The following SPTBN4 variants were observed in gnomAD, a reference collection of about 807,000 sequenced individuals.
SPTBN4 encodes the protein spectrin beta chain, non-erythrocytic 4.
Under a neutral mutation model 277.8 loss-of-function variants are expected in SPTBN4, and 96 were observed. That is an observed-to-expected ratio of 0.35 (90% CI 0.29 to 0.41). The LOEUF (loss-of-function observed/expected upper bound fraction) is 0.41. Among genes scored for constraint, SPTBN4 ranks in the 10% least tolerant of loss-of-function variants. The pLI is 1.00. For missense variants in SPTBN4, 3,006 were observed against 3,595.7 expected (o/e 0.84, Z 4.19); for synonymous variants, 1,481 against 1,580.3 (o/e 0.94, Z 1.49).
intron 1 of SPTBN4, among the ~76,000 whole-genome samples, chr19:40,467,529 TGGG>T (rs1219750244): frequency 6.7e-6 from 1 of 149,488 alleles, no homozygotes; most frequent in Non-Finnish European, 1.5e-5. Context: ...GCCCCCTCCT[TGGG>T]CGCAGTGTCT....
In SPTBN4 at chr19:40,568,152, G is replaced by T. The variant is rs1175767350; in HGVS notation, c.6826G>T (p.Glu2276Ter). The T allele has an allele frequency of 1.9e-6, 3 of 1,579,992 alleles. No individual in the cohort carries two copies. Among genetic ancestry groups the T allele is most frequent in the Non-Finnish European group, 8.6e-7 (1 of 1,163,820 alleles). Reference sequence around the variant, plus strand: ...GGAGCGGCAGGAGTCAGCGGAGCACGAGGCGGCACACAGCCTTACCCTGGG... The same window carrying T: ...GGAGCGGCAGGAGTCAGCGGAGCACTAGGCGGCACACAGCCTTACCCTGGG... The part of the protein sequence containing the change: ...RPERQESAEH[E>*]AAHSLTLGRY... The change falls in exon 31 of 36, where the codon GAG (glutamate) becomes TAG (stop). Residue 2276 changes from glutamate to a stop codon, truncating the protein, a stop_gained. Transcript: ENST00000598249. LOFTEE classifies it high-confidence loss of function.
chr19:40,516,012 CACACATATACGTATATAT>C (rs2080454466), intron 15 of SPTBN4, among the ~76,000 whole-genome samples: 2 of 145,216 alleles, frequency 1.4e-5, no homozygotes, highest in African/African-American at 5.1e-5. Context: ...CGTATATATA[CACACATATACGTATATAT>C]ACACATATAT....
chr19:40,540,182 C>G (rs1043897748), intron 20 of SPTBN4, among the ~76,000 whole-genome samples: 3 of 152,140 alleles, frequency 2.0e-5, no homozygotes, highest in African/African-American at 7.2e-5. Context: ...CCGCCTCGGC[C>G]TCCCAAAGTG....
intron 20 of SPTBN4, chr19:40,534,769 G>A (rs1045140711): frequency 1.6e-5 from 3 of 186,248 alleles, no homozygotes; most frequent in Admixed American, 5.4e-5. Flanking sequence ...TCTGGAGATT[G>A]GTACTGTTAT....
At chr19:40,507,743 G>A (rs1169173986) in intron 13 of SPTBN4, among the ~76,000 whole-genome samples, 4 of 152,130 alleles carry the variant, frequency 2.6e-5, no homozygotes, top group Admixed American at 6.6e-5. Flanking sequence ...GCTGAGGTGG[G>A]AGGATTGCTT....
In SPTBN4 at chr19:40,519,665, G is replaced by T; in HGVS notation, c.3168G>T (p.Ala1056=). 1 of 1,393,914 alleles carries T rather than the reference G, an allele frequency of 7.2e-7. No individual in the cohort carries two copies. The allele number at this position is 1,393,914 out of a possible 1,614,324, so 86.3% of individuals were successfully genotyped here. Residue 1056 remains alanine, a synonymous_variant, in exon 16 of 36, where the codon GCG becomes GCT. Transcript: ENST00000598249. This position sits in a 1 kb window ranked among gnomAD's most constrained non-coding sequence, Gnocchi z 5.7. ...TGGCTGAGCGCTTCCCGGCGCAGGC[G>T]GCGCGGCTGCACCAGGGCGCGGAGG... ...ALLAERFPAQ[A]ARLHQGAEEL... is the part of the protein sequence containing the mutation.
chr19:40,571,855 C>A, intron 33 of SPTBN4, 164 bp from the exon 34 acceptor site: 1 of 684,398 alleles, frequency 1.5e-6, no homozygotes, highest in Non-Finnish European at 2.3e-6. Context: ...CTCAGGGCAG[C>A]AACAGCCTTA....
At chr19:40,479,518 G>A (rs2079985453) in intron 2 of SPTBN4, among the ~76,000 whole-genome samples, 1 of 151,440 alleles carries the variant, frequency 6.6e-6, no homozygotes, top group Non-Finnish European at 1.5e-5. Context: ...TGTTGCCTAG[G>A]CTGGTCTTGA....
At position 40,554,703 on chromosome 19, in the gene SPTBN4, T is replaced by C; in HGVS notation, c.5084+57T>C. Reference sequence around the variant, plus strand: ...GGTCCAGCAGGACCTGAAGCTTCGCTGTTGGGAGTTGGCGCAGCGCTGGAA... The same window carrying C: ...GGTCCAGCAGGACCTGAAGCTTCGCCGTTGGGAGTTGGCGCAGCGCTGGAA... On this transcript the variant is annotated intron_variant, in intron 24 of 35. Transcript: ENST00000598249. The surrounding 1 kb of genome is among the most constrained non-coding windows in gnomAD (Gnocchi z 5.7). 1 of 1,570,070 alleles carries C rather than the reference T, an allele frequency of 6.4e-7. No homozygotes were observed. Among genetic ancestry groups the C allele is most frequent in the Non-Finnish European group, 8.6e-7 (1 of 1,158,482 alleles).
In SPTBN4 at chr19:40,565,751, T is replaced by C; in HGVS notation, c.6139+6T>C. The C allele has an allele frequency of 6.5e-7, 1 of 1,550,138 alleles. No homozygotes were observed. Among genetic ancestry groups the C allele is most frequent in the Non-Finnish European group, 8.7e-7 (1 of 1,147,120 alleles). Reference sequence around the variant, plus strand: ...TTGGGAGTGGCTGCAGCAGAGTGAGTGGGGGCCCAGGCACACGTGGTTCAA... The same window carrying C: ...TTGGGAGTGGCTGCAGCAGAGTGAGCGGGGGCCCAGGCACACGTGGTTCAA... On this transcript the variant is annotated splice_donor_region_variant and intron_variant, in intron 29 of 35. Transcript: ENST00000598249.
In SPTBN4 at chr19:40,567,953, C is replaced by T. The variant is rs1355731793; in HGVS notation, c.6627C>T (p.Ala2209=). 8 of 1,508,336 alleles carry T rather than the reference C, an allele frequency of 5.3e-6. No homozygotes were observed. The Admixed American group carries it at 1.3e-4, about 25-fold the overall frequency. The allele number at this position is 1,508,336 out of a possible 1,614,324, so 93.4% of individuals were successfully genotyped here. ...PGRVEPAALP[A]APEDAAETPA... ...GGGTGGAGCCCGCGGCCCTGCCGGC[C>T]GCACCAGAGGACGCGGCGGAGACCC... Residue 2209 remains alanine, a synonymous_variant, in exon 31 of 36, where the codon GCC becomes GCT. Transcript: ENST00000598249.
At chr19:40,505,998 C>T (rs539606145) in intron 12 of SPTBN4, among the ~76,000 whole-genome samples, 1 of 152,258 alleles carries the variant, frequency 6.6e-6, no homozygotes, top group African/African-American at 2.4e-5. Flanking sequence ...GACAGAACAC[C>T]ATGGCTAGCT....
intron 2 of SPTBN4, among the ~76,000 whole-genome samples, chr19:40,479,174 T>G (rs1175118660): frequency 6.6e-6 from 1 of 152,190 alleles, no homozygotes; most frequent in Non-Finnish European, 1.5e-5. Context: ...CACGGCTCAC[T>G]GCAGCCTCGA....
chr19:40,572,465 G>A, intron 35 of SPTBN4, 85 bp downstream of exon 35: 1 of 1,523,802 alleles, frequency 6.6e-7, no homozygotes, highest in Non-Finnish European at 9.1e-7. Flanking sequence ...ATGGGGCTGT[G>A]AGAAGGGACA....
intron 17 of SPTBN4, chr19:40,524,596 C>G (rs760885367): frequency 2.2e-6 from 1 of 456,494 alleles, no homozygotes; most frequent in Non-Finnish European, 4.4e-6. Context: ...ACCCCCAGAC[C>G]TCCCCAGATC....
In SPTBN4 at chr19:40,554,078, G is replaced by A; in HGVS notation, c.4675-69G>A. On this transcript the variant is annotated intron_variant, in intron 22 of 35. Transcript: ENST00000598249. The surrounding 1 kb of genome is among the most constrained non-coding windows in gnomAD (Gnocchi z 5.7). ...CCCGTGGGCCGTGCCAGTAGCAGAGGAGCGTGTGGTCTTGCAGGGCCTCGG... is the reference window on the plus strand; with the variant it reads ...CCCGTGGGCCGTGCCAGTAGCAGAGAAGCGTGTGGTCTTGCAGGGCCTCGG... The A allele has an allele frequency of 2.2e-6, 3 of 1,361,160 alleles. No homozygotes were observed. The highest frequency in any genetic ancestry group is 1.7e-5 in the South Asian group (1 of 59,748). 84.3% of individuals were successfully genotyped at this position (1,361,160 alleles called of 1,614,324 possible). A position where few individuals can be genotyped will look rare whatever the true frequency, so the allele number is the denominator to read the frequency against.
At chr19:40,548,031 A>G (rs1212414118) in intron 20 of SPTBN4, among the ~76,000 whole-genome samples, 1 of 152,186 alleles carries the variant, frequency 6.6e-6, no homozygotes. Context: ...TTGGTTAGCC[A>G]TTGGCCCATG....
intron 7 of SPTBN4, among the ~76,000 whole-genome samples, chr19:40,497,842 G>T (rs867773780): frequency 2.7e-5 from 4 of 145,994 alleles, no homozygotes; most frequent in Non-Finnish European, 4.5e-5. Flanking sequence ...ATCCCCAACC[G>T]TGTCCCAACG....
intron 13 of SPTBN4, among the ~76,000 whole-genome samples, chr19:40,507,856 C>G (rs2080347603): frequency 6.6e-6 from 1 of 152,082 alleles, no homozygotes; most frequent in African/African-American, 2.4e-5. Flanking sequence ...ACAAAAGACT[C>G]CATCTCTCTC....
Sources: gnomAD v4.1 joint callset for allele counts (sites outside exome capture counted in the v4.1 genomes callset) on GRCh38, gnomAD v4.1.1 for gene constraint, Gnocchi (gnomAD v3.1) non-coding constraint, MANE v1.5 for transcripts, NCBI Gene and HGNC (gene_info 2026-07-23, HGNC 2026-07-21) for gene names.